Variants in DNAH5 observed in about 807,000 individuals in gnomAD.
DNAH5 encodes axonemal beta dynein heavy chain 5.
DNAH5 carries 372 observed loss-of-function variants against 518.2 expected under a neutral mutation model. The ratio of observed to expected loss-of-function variants is 0.72; its 90% CI spans 0.66 to 0.78. The LOEUF (loss-of-function observed/expected upper bound fraction) is 0.78, where lower values mean the gene tolerates loss of function less well. DNAH5 is among the 30% of genes least tolerant of loss of function. The pLI, the probability that DNAH5 is intolerant of heterozygous loss-of-function variation, is 0.00. For synonymous variants in DNAH5, 2,039 were observed against 2,025.9 expected (o/e 1.01, Z -0.17); for missense variants, 5,523 against 5,687.0 (o/e 0.97, Z 0.93).
intron 78 of DNAH5, among the ~76,000 whole-genome samples, chr5:13,698,094 G>A (rs1214473669): frequency 1.3e-5 from 2 of 152,254 alleles, no homozygotes; most frequent in East Asian, 3.9e-4. Flanking sequence ...CCAGCTCCTG[G>A]TGCCCCTCTC....
At chr5:13,902,206 AG>A (rs1476654021) in intron 12 of DNAH5, 68 bp from the exon 13 acceptor site, 4 of 1,168,104 alleles carry the variant, frequency 3.4e-6, no homozygotes, top group Non-Finnish European at 5.0e-6. Flanking sequence ...ACAAGATAAA[AG>A]AGCTTTCCAT....
chr5:13,794,081 A>C, intron 47 of DNAH5, 23 bp from the exon 48 acceptor site: 1 of 1,614,042 alleles, frequency 6.2e-7, no homozygotes, highest in East Asian at 2.2e-5. Flanking sequence ...AATCAACTGA[A>C]ACATCTGTGA....
At chr5:13,962,218 A>G (rs1561011376) in intron 1 of DNAH5, among the ~76,000 whole-genome samples, 1 of 152,304 alleles carries the variant, frequency 6.6e-6, no homozygotes, top group East Asian at 1.9e-4. Context: ...AACCCTGAAC[A>G]TGATTGATAA....
chr5:13,914,487 A>G, intron 10 of DNAH5, 33 bp downstream of exon 10: 1 of 1,607,480 alleles, frequency 6.2e-7, no homozygotes, highest in South Asian at 1.1e-5. Flanking sequence ...AGATAAAAAG[A>G]ATAGAACATC....
Position 13,839,455 on chromosome 5 carries a change from G to C in DNAH5, c.5783C>G (p.Ser1928Cys), listed in dbSNP as rs1174562036. 1 of 1,613,990 alleles carries C rather than the reference G, an allele frequency of 6.2e-7. No individual in the cohort carries two copies. The highest frequency in any genetic ancestry group is 8.5e-7 in the Non-Finnish European group (1 of 1,179,868). The change falls in exon 35 of 79, where the codon TCT (serine) becomes TGT (cysteine). Residue 1928 changes from serine to cysteine, a missense_variant. Coordinates refer to ENST00000265104, the MANE Select transcript of DNAH5 (RefSeq NM_001369.3). ...KQCRFYFNED[S>C]DKMMIHITDV... ...TGTGATGTGAATCATCATCTTGTCA[G>C]AATCTTCGTTAAAGTAAAATCTGCA...
chr5:13,873,922 C>A (rs1770506286), intron 22 of DNAH5, among the ~76,000 whole-genome samples: 1 of 152,146 alleles, frequency 6.6e-6, no homozygotes, highest in African/African-American at 2.4e-5. Context: ...ATAAACAGTG[C>A]AATTATCTGA....
At chr5:13,860,991 T>C (rs573223495) in intron 29 of DNAH5, among the ~76,000 whole-genome samples, 68 of 152,296 alleles carry the variant, frequency 4.5e-4, no homozygotes, top group Non-Finnish European at 8.4e-4. Flanking sequence ...TATAGGTCCA[T>C]AGAAACAGAG....
chr5:13,931,234 T>C lies in DNAH5; in HGVS notation c.68A>G (p.Lys23Arg), dbSNP rs1190528830. The change falls in exon 2 of 79, where the codon AAG (lysine) becomes AGG (arginine). Residue 23 changes from lysine to arginine, a missense_variant. Physicochemically the swap from Lys to Arg is conservative, Grantham distance 26. Transcript: ENST00000265104. ...AGCCCGCTTGGCTTCCTTCTCTCCC[T>C]TCAGTCTTTGCTAAAAGAAAAGAAT... ...SVTRVLTQRLKGEKEAKRALL... is the reference protein window; with the variant it reads ...SVTRVLTQRLRGEKEAKRALL... The C allele has an allele frequency of 2.5e-6, 4 of 1,614,118 alleles. No individual in the cohort carries two copies. The South Asian group carries it at 3.3e-5, about 13-fold the overall frequency.
At chr5:13,866,433 T>C (rs546010651) in intron 25 of DNAH5, 151 bp from the exon 26 acceptor site, 2 of 699,348 alleles carry the variant, frequency 2.9e-6, no homozygotes, top group Admixed American at 6.4e-5. Context: ...CACAAAGTGA[T>C]TCATTTAGAC....
chr5:13,827,578 G>T lies in DNAH5; in HGVS notation c.6444+1932C>A, dbSNP rs576526874. 3.0e-5 allele frequency among the ~76,000 whole-genome samples: 4 copies of T among 133,372 alleles called. No homozygotes were observed. In the South Asian group the frequency reaches 9.6e-4, roughly 32 times the overall value. The allele number at this position is 133,372 out of a possible 152,430, so 87.5% of individuals were successfully genotyped here. ...AGAGGGGACTTGCCTTGTCTCAGATGAGACTTTGGACTTAGACTTTTGAGT... is the reference window on the plus strand; with the variant it reads ...AGAGGGGACTTGCCTTGTCTCAGATTAGACTTTGGACTTAGACTTTTGAGT... On this transcript the variant is annotated intron_variant, in intron 38 of 78. Coordinates refer to ENST00000265104, the MANE Select transcript of DNAH5 (RefSeq NM_001369.3).
chr5:13,913,158 T>G (rs943760219), intron 11 of DNAH5, among the ~76,000 whole-genome samples: 8 of 152,046 alleles, frequency 5.3e-5, no homozygotes, highest in Non-Finnish European at 8.8e-5. Context: ...TAAAGCAAAT[T>G]GTTTGTAAAT....
intron 60 of DNAH5, among the ~76,000 whole-genome samples, chr5:13,761,951 A>C (rs947594793): frequency 1.8e-4 from 27 of 152,182 alleles, no homozygotes; most frequent in African/African-American, 5.8e-4. Flanking sequence ...ATGATTGTTA[A>C]GTTTCTTGGG....
chr5:13,955,715 A>T (rs7731624), intron 1 of DNAH5, among the ~76,000 whole-genome samples: 1 of 152,184 alleles, frequency 6.6e-6, no homozygotes, highest in East Asian at 1.9e-4. Context: ...TTTTCTCTTT[A>T]AGAAAAAAAA....
chr5:13,691,795 A>C lies in DNAH5; in HGVS notation c.*189T>G, dbSNP rs1740723623. Reference sequence around the variant, plus strand: ...ACTAAATAACATTTTCAACAAACTCAGACATTGGTCACTAATGATGAAACA... The same window carrying C: ...ACTAAATAACATTTTCAACAAACTCCGACATTGGTCACTAATGATGAAACA... On this transcript the variant is annotated 3_prime_UTR_variant, in exon 79 of 79. Transcript: ENST00000265104. The C allele has an allele frequency of 7.5e-6, 5 of 662,740 alleles. No homozygotes were observed. The highest frequency in any genetic ancestry group is 1.3e-5 in the Non-Finnish European group (5 of 394,408). The allele number at this position is 662,740 out of a possible 1,614,324, so 41.1% of individuals were successfully genotyped here. A position where few individuals can be genotyped will look rare whatever the true frequency, so the allele number is the denominator to read the frequency against.
chr5:13,770,690 C>A (rs1753214469), intron 56 of DNAH5, 59 bp downstream of exon 56: 37 of 1,475,748 alleles, frequency 2.5e-5, no homozygotes, highest in East Asian at 6.8e-5. Flanking sequence ...CAGGGCAAAT[C>A]TGTCCCTGGT....
rs775511692 is a variant in DNAH5 at position 13,864,427 on chromosome 5, T to C, written c.4566A>G (p.Ala1522=). Reference sequence around the variant, plus strand: ...TTTCCTCTTTATATTTCAGAAGAGGTGCCTCCATGATATTTCTTAACTTAA... The same window carrying C: ...TTTCCTCTTTATATTTCAGAAGAGGCGCCTCCATGATATTTCTTAACTTAA... The part of the protein sequence containing the change: ...ESFKLRNIME[A]PLLKYKEEIE... The change falls in exon 28 of 79, where the codon GCA becomes GCG. Residue 1522 remains alanine (A), a synonymous_variant. Coordinates refer to ENST00000265104, the MANE Select transcript of DNAH5 (RefSeq NM_001369.3). The C allele has an allele frequency of 6.2e-7, 1 of 1,614,000 alleles. No homozygotes were observed. The highest frequency in any genetic ancestry group is 1.1e-5 in the South Asian group (1 of 91,076).
chr5:13,974,325 A>G (rs565335204), intron 1 of DNAH5, among the ~76,000 whole-genome samples: 1 of 151,834 alleles, frequency 6.6e-6, no homozygotes, highest in African/African-American at 2.4e-5. Flanking sequence ...GGGTTTCACT[A>G]TGTTGCCCAG....
At chr5:13,989,749 C>G (rs1254053447) in intron 1 of DNAH5, among the ~76,000 whole-genome samples, 1 of 152,084 alleles carries the variant, frequency 6.6e-6, no homozygotes, top group Non-Finnish European at 1.5e-5. Context: ...TCCCAAAGTG[C>G]TCGGATTACA....
chr5:13,716,245 G>C (rs1276663542), intron 74 of DNAH5, among the ~76,000 whole-genome samples: 1 of 151,810 alleles, frequency 6.6e-6, no homozygotes, highest in East Asian at 1.9e-4. Context: ...ATTCCTCCCT[G>C]GGGCATTAAA....
Sources: gnomAD v4.1 joint callset for allele counts (sites outside exome capture counted in the v4.1 genomes callset) on GRCh38, gnomAD v4.1.1 for gene constraint, MANE v1.5 for transcripts, NCBI Gene and HGNC (gene_info 2026-07-23, HGNC 2026-07-21) for gene names.